The following ZNF793 variants were observed in gnomAD, a reference collection of about 807,000 sequenced individuals.
ZNF793 encodes zinc finger protein 793.
Under a neutral mutation model 12.4 loss-of-function variants are expected in ZNF793, and 5 were observed. That is an observed-to-expected ratio of 0.40 (90% CI 0.21 to 0.84). The LOEUF (loss-of-function observed/expected upper bound fraction) is 0.84. Among genes scored for constraint, ZNF793 ranks in the 40% least tolerant of loss-of-function variants. ZNF793 has a pLI of 0.35. For missense variants in ZNF793, 456 were observed against 495.0 expected, an observed-to-expected ratio of 0.92 and a Z score of 0.75; for synonymous variants, 162 against 172.4, an observed-to-expected ratio of 0.94 and a Z score of 0.47.
chr19:37,525,006 G>A (rs2042402475), intron 5 of ZNF793, among the ~76,000 whole-genome samples: 1 of 152,106 alleles, frequency 6.6e-6, no homozygotes, highest in Admixed American at 6.6e-5. Context: ...ATACGACAAT[G>A]TTTTCTATCT....
rs532744753 is a variant in ZNF793, at chr19:37,538,427, C to G, written c.*548C>G. The G allele has an allele frequency of 6.6e-6, 1 of 152,252 alleles. No individual in the cohort carries two copies. Among genetic ancestry groups the G allele is most frequent in the South Asian group, 2.1e-4 (1 of 4,822 alleles). The allele number at this position is 152,252 out of a possible 1,614,324, so 9.4% of individuals were successfully genotyped here. On this transcript the variant is annotated 3_prime_UTR_variant, in exon 8 of 8. Coordinates refer to ENST00000627814, the MANE Select transcript of ZNF793 (RefSeq NM_001013659.3). ...TCCCAAGTAGCTGGGATTACAGGCA[C>G]CTGCCACCACGCCTGGCTAATTTTT...
rs1350262761 is a variant in ZNF793, at chr19:37,541,557, T to C, written c.*3678T>C. The C allele has an allele frequency of 1.3e-5, 2 of 152,526 alleles. No individual in the cohort carries two copies. Among genetic ancestry groups the C allele is most frequent in the Admixed American group, 1.3e-4 (2 of 15,290 alleles). The allele number at this position is 152,526 out of a possible 1,614,324, so 9.4% of individuals were successfully genotyped here. ...AGCTGGGTGTGGTGGCACATGCCTGTAGTCCCAGCTACTTGGGAGGCTGAG... is the reference window on the plus strand; with the variant it reads ...AGCTGGGTGTGGTGGCACATGCCTGCAGTCCCAGCTACTTGGGAGGCTGAG... On this transcript the variant is annotated 3_prime_UTR_variant, in exon 8 of 8. Transcript: ENST00000627814.
rs754331918 is a variant in ZNF793 at position 37,537,685 on chromosome 19, GA to G, written c.1029del (p.Glu343AspfsTer58). ...HTGERPYRCR[E>X]CGKSFSQKSC... ...AGGAGAAAGACCGTATCGTTGCAGAGAATGTGGAAAATCCTTCAGCCAGAAG... is the reference window on the plus strand; with the variant it reads ...AGGAGAAAGACCGTATCGTTGCAGAGATGTGGAAAATCCTTCAGCCAGAAG... On this transcript the variant is annotated frameshift_variant, in exon 8 of 8. Coordinates refer to ENST00000627814, the MANE Select transcript of ZNF793 (RefSeq NM_001013659.3). LOFTEE classifies it low-confidence loss of function (END_TRUNC). The G allele has an allele frequency of 3.8e-5, 62 of 1,613,458 alleles. No individual in the cohort carries two copies. The highest frequency in any genetic ancestry group is 3.1e-5 in the Non-Finnish European group (36 of 1,179,664).
At chr19:37,516,555 C>A (rs949098392) in intron 2 of ZNF793, among the ~76,000 whole-genome samples, 2 of 152,142 alleles carry the variant, frequency 1.3e-5, no homozygotes, top group Admixed American at 6.5e-5. Context: ...AATCACGTCA[C>A]AATGCTGACT....
rs566247242 is a variant in ZNF793 at position 37,531,572 on chromosome 19, C to T, written c.16-784C>T. Among the ~76,000 whole-genome samples the T allele has an allele frequency of 2.0e-5, 3 of 152,296 alleles. No individual in the cohort carries two copies. In the South Asian group the frequency reaches 6.2e-4, roughly 32 times the overall value. On this transcript the variant is annotated intron_variant, in intron 5 of 7. Transcript: ENST00000627814. ...CCGTTTTGCCCCCCGGCCTTTGTTC[C>T]CACTGCTCCCCTGCATAGAATGCAG...
intron 6 of ZNF793, 147 bp from the exon 7 acceptor site, chr19:37,533,161 G>C (rs2042475563): frequency 3.2e-6 from 2 of 625,540 alleles, no homozygotes; most frequent in Admixed American, 5.8e-5. Flanking sequence ...CATGGTCCTG[G>C]ATTACTAATC....
chr19:37,526,725 G>A (rs1406115732), intron 5 of ZNF793, among the ~76,000 whole-genome samples: 1 of 152,178 alleles, frequency 6.6e-6, no homozygotes, highest in Non-Finnish European at 1.5e-5. Context: ...CTGCTCAGGT[G>A]CTGCTGGAAG....
intron 1 of ZNF793, among the ~76,000 whole-genome samples, chr19:37,507,995 A>G (rs995708630): frequency 6.6e-6 from 1 of 152,076 alleles, no homozygotes; most frequent in Admixed American, 6.6e-5. Context: ...GGGATGGGAA[A>G]ATCACAGATT....
At chr19:37,528,552 G>T (rs751322020) in intron 5 of ZNF793, among the ~76,000 whole-genome samples, 4 of 152,068 alleles carry the variant, frequency 2.6e-5, no homozygotes, top group African/African-American at 7.2e-5. Context: ...GAGGGCAAAG[G>T]CCACACCTCT....
At chr19:37,511,448 A>G (rs192235362) in intron 2 of ZNF793, among the ~76,000 whole-genome samples, 2 of 152,138 alleles carry the variant, frequency 1.3e-5, no homozygotes, top group Admixed American at 6.5e-5. Context: ...TGCAAGGATG[A>G]GGTGGGAGGA....
At chr19:37,529,698 A>C (rs1203877288) in intron 5 of ZNF793, among the ~76,000 whole-genome samples, 1 of 151,970 alleles carries the variant, frequency 6.6e-6, no homozygotes, top group African/African-American at 2.4e-5. Flanking sequence ...TTGCCATGTT[A>C]GCCAGGCTGG....
At chr19:37,524,685 G>C (rs1022950515) in intron 5 of ZNF793, among the ~76,000 whole-genome samples, 1 of 152,214 alleles carries the variant, frequency 6.6e-6, no homozygotes, top group Non-Finnish European at 1.5e-5. Context: ...GCCTCTCACA[G>C]TGTGGTCCCG....
At chr19:37,507,142 C>T (rs1170321467) in intron 1 of ZNF793, 176 bp downstream of exon 1, 1 of 152,560 alleles carries the variant, frequency 6.6e-6, no homozygotes, top group African/African-American at 2.4e-5. Context: ...GACAAGGGAA[C>T]TGAAGGGTTA....
chr19:37,510,803 T>A (rs2042288707), intron 2 of ZNF793, among the ~76,000 whole-genome samples: 1 of 151,590 alleles, frequency 6.6e-6, no homozygotes, highest in Admixed American at 6.6e-5. Flanking sequence ...TTCACACCAG[T>A]CTCCTGCCTC....
At position 37,540,946 on chromosome 19, in the gene ZNF793, A is replaced by G. The variant is rs924171426; in HGVS notation, c.*3067A>G. 59 of 152,094 alleles carry G rather than the reference A, an allele frequency of 3.9e-4. No individual in the cohort carries two copies. The highest frequency in any genetic ancestry group is 1.2e-3 in the African/African-American group (51 of 41,556). The allele number at this position is 152,094 out of a possible 1,614,324, so 9.4% of individuals were successfully genotyped here. On this transcript the variant is annotated 3_prime_UTR_variant, in exon 8 of 8. Coordinates refer to ENST00000627814, the MANE Select transcript of ZNF793 (RefSeq NM_001013659.3). Reference sequence around the variant, plus strand: ...AAAACATCACATGTACCCAATAAATATATACAACAATTATATATCTATAAT... The same window carrying G: ...AAAACATCACATGTACCCAATAAATGTATACAACAATTATATATCTATAAT...
At position 37,539,903 on chromosome 19, in the gene ZNF793, A is replaced by C. The variant is rs931269677; in HGVS notation, c.*2024A>C. 1 of 152,194 alleles carries C rather than the reference A, an allele frequency of 6.6e-6. No homozygotes were observed. Among genetic ancestry groups the C allele is most frequent in the Non-Finnish European group, 1.5e-5 (1 of 68,030 alleles). The allele number at this position is 152,194 out of a possible 1,614,324, so 9.4% of individuals were successfully genotyped here. On this transcript the variant is annotated 3_prime_UTR_variant, in exon 8 of 8. Coordinates refer to ENST00000627814, the MANE Select transcript of ZNF793 (RefSeq NM_001013659.3). ...AATACCAGTGTTATTTATTATATGG[A>C]TGTAATACAATCCATGAACTGTACT... is the stretch of plus-strand genomic sequence containing the variant.
chr19:37,537,635 T>G lies in ZNF793; in HGVS notation c.977T>G (p.Leu326Arg), dbSNP rs757499893. 9 of 1,614,088 alleles carry G rather than the reference T, an allele frequency of 5.6e-6. No individual in the cohort carries two copies. The highest frequency in any genetic ancestry group is 7.6e-6 in the Non-Finnish European group (9 of 1,179,984). ...AAATCGTTTGGTGAGAAGTCATACCTCAATGTACATCGAAAAATGCACACA... is the reference window on the plus strand; with the variant it reads ...AAATCGTTTGGTGAGAAGTCATACCGCAATGTACATCGAAAAATGCACACA... ...CGKSFGEKSY[L>R]NVHRKMHTGE... Residue 326 changes from leucine to arginine, a missense_variant, in exon 8 of 8, where the codon CTC becomes CGC. Coordinates refer to ENST00000627814, the MANE Select transcript of ZNF793 (RefSeq NM_001013659.3).
At chr19:37,516,204 G>A (rs534327721) in intron 2 of ZNF793, among the ~76,000 whole-genome samples, 66 of 152,158 alleles carry the variant, frequency 4.3e-4, no homozygotes, top group African/African-American at 1.4e-3. Context: ...GCGCGATCTC[G>A]GCTCACTGCA....
At chr19:37,532,122 T>C (rs889814423) in intron 5 of ZNF793, among the ~76,000 whole-genome samples, 8 of 151,716 alleles carry the variant, frequency 5.3e-5, no homozygotes, top group African/African-American at 1.7e-4. Context: ...CAAGTGATTC[T>C]CCCACCTCAG....
Sources: gnomAD v4.1 joint callset for allele counts (sites outside exome capture counted in the v4.1 genomes callset) on GRCh38, gnomAD v4.1.1 for gene constraint, MANE v1.5 for transcripts, NCBI Gene and HGNC (gene_info 2026-07-23, HGNC 2026-07-21) for gene names.